The following ANK2 variants were observed in gnomAD, a reference collection of about 807,000 sequenced individuals.
ANK2 encodes the protein ankyrin 2.
ANK2 carries 83 observed loss-of-function variants against 360.5 expected under a neutral mutation model. The ratio of observed to expected loss-of-function variants is 0.23; its 90% CI spans 0.19 to 0.28. The LOEUF is 0.28. ANK2 is among the 10% of genes least tolerant of loss of function. The pLI, the probability that ANK2 is intolerant of heterozygous loss-of-function variation, is 1.00. For synonymous variants in ANK2, 1,740 were observed against 1,759.5 expected, an observed-to-expected ratio of 0.99 and a Z score of 0.28; for missense variants, 4,201 against 4,795.7, an observed-to-expected ratio of 0.88 and a Z score of 3.66.
At chr4:112,929,053 A>G (rs1389342752) in intron 2 of ANK2, among the ~76,000 whole-genome samples, 3 of 151,894 alleles carry the variant, frequency 2.0e-5, no homozygotes, top group East Asian at 1.9e-4. Context: ...GGGTTTCACC[A>G]TGTTTACCGG....
At position 113,383,043 on chromosome 4, in the gene ANK2, A is replaced by C. The variant is rs2097195614; in HGVS notation, c.*1572A>C. On this transcript the variant is annotated 3_prime_UTR_variant, in exon 46 of 46. Coordinates refer to ENST00000357077, the MANE Select transcript of ANK2 (RefSeq NM_001148.6). The stretch of plus-strand genomic sequence containing the variant: ...TATTCACAAATATATTCATATAAAC[A>C]GTATACATTTTGAATCAGTCATTTG... 6.6e-6 allele frequency: 1 copy of C among 152,666 alleles called. No individual in the cohort carries two copies. Among genetic ancestry groups the C allele is most frequent in the Non-Finnish European group, 1.5e-5 (1 of 68,040 alleles). 9.5% of individuals were successfully genotyped at this position (152,666 alleles called of 1,614,324 possible).
chr4:113,285,065 AGT>A (rs2063859519), intron 18 of ANK2, among the ~76,000 whole-genome samples: 1 of 152,206 alleles, frequency 6.6e-6, no homozygotes, highest in African/African-American at 2.4e-5. Context: ...TGGGTCCACC[AGT>A]GTGTCTTAGG....
chr4:112,713,140 A>G, the ANK2 span, among the ~76,000 whole-genome samples: 11 of 152,170 alleles, frequency 7.2e-5, no homozygotes, highest in African/African-American at 2.7e-4. Flanking sequence ...ATTTTTTTCA[A>G]TCAGCATAGT....
At chr4:113,327,068 T>C (rs925226446) in intron 26 of ANK2, among the ~76,000 whole-genome samples, 1 of 152,198 alleles carries the variant, frequency 6.6e-6, no homozygotes, top group Non-Finnish European at 1.5e-5. Context: ...TCCAATTTGC[T>C]TTGGATTTTT....
intron 2 of ANK2, among the ~76,000 whole-genome samples, chr4:112,941,591 A>G (rs1190195228): frequency 6.9e-6 from 1 of 144,810 alleles, no homozygotes; most frequent in African/African-American, 2.5e-5. Flanking sequence ...TAAAAAGGAT[A>G]TATAAAGATA....
chr4:113,022,885 C>CT (rs1486624598), intron 2 of ANK2, among the ~76,000 whole-genome samples: 1 of 152,078 alleles, frequency 6.6e-6, no homozygotes, highest in Non-Finnish European at 1.5e-5. Context: ...GGGGAGATGT[C>CT]TCTATTATTG....
At position 113,003,264 on chromosome 4, in the gene ANK2, A is replaced by G. The variant is rs142131280; in HGVS notation, c.21+98750A>G. ...TATAATTGCAAGGTCTCAAAAGAAG[A>G]TATGAATAAATAGATAGGCATGACA... On this transcript the variant is annotated intron_variant, in intron 2 of 30. Transcript: ENST00000503271. 1.0e-3 allele frequency among the ~76,000 whole-genome samples: 153 copies of G among 152,344 alleles called. 1 individual carries two copies. Among genetic ancestry groups the G allele is most frequent in the Middle Eastern group, 6.8e-3 (2 of 294 alleles).
chr4:113,132,658 C>T, intron 1 of ANK2, among the ~76,000 whole-genome samples: 1 of 152,090 alleles, frequency 6.6e-6, no homozygotes, highest in East Asian at 1.9e-4. Flanking sequence ...GTGAAGAGAA[C>T]TGATCTAGAG....
chr4:113,126,111 C>T (rs2095645463), intron 1 of ANK2, among the ~76,000 whole-genome samples: 1 of 152,200 alleles, frequency 6.6e-6, no homozygotes, highest in South Asian at 2.1e-4. Flanking sequence ...CTGAGAACCA[C>T]AGTTGATTTC....
intron 22 of ANK2, among the ~76,000 whole-genome samples, chr4:113,298,009 C>T (rs1172292213): frequency 3.3e-5 from 5 of 152,006 alleles, no homozygotes; most frequent in Admixed American, 6.6e-5. Context: ...TCGTCTCAAA[C>T]GATCCACCTG....
chr4:112,929,823 C>T (rs1018318300), intron 2 of ANK2, among the ~76,000 whole-genome samples: 3 of 152,208 alleles, frequency 2.0e-5, no homozygotes, highest in Non-Finnish European at 4.4e-5. Flanking sequence ...ACGCCCCTCT[C>T]TGCATGAGGA....
chr4:113,224,137 A>G (rs540348422), intron 4 of ANK2, among the ~76,000 whole-genome samples: 1 of 152,360 alleles, frequency 6.6e-6, no homozygotes, highest in South Asian at 2.1e-4. Context: ...TTCTGCCATC[A>G]TCAGTGCTTT....
intron 1 of ANK2, among the ~76,000 whole-genome samples, chr4:112,819,051 T>G (rs534132264): frequency 2.6e-5 from 4 of 152,318 alleles, no homozygotes; most frequent in Non-Finnish European, 5.9e-5. Flanking sequence ...ATTCCCACAC[T>G]CATGCATCAG....
chr4:113,161,039 C>T (rs2097516966), intron 1 of ANK2, among the ~76,000 whole-genome samples: 1 of 152,186 alleles, frequency 6.6e-6, no homozygotes, highest in Admixed American at 6.5e-5. Context: ...TGGCTTAAGT[C>T]TGACTTTTCT....
chr4:113,349,436 A>C (rs1391106120), intron 36 of ANK2, among the ~76,000 whole-genome samples: 4 of 152,154 alleles, frequency 2.6e-5, no homozygotes, highest in African/African-American at 9.7e-5. Context: ...ACCAGCTTAA[A>C]ATGTAAGCCC....
the ANK2 span, among the ~76,000 whole-genome samples, chr4:112,748,036 G>C: frequency 5.3e-3 from 809 of 152,216 alleles, 3 homozygotes; most frequent in African/African-American, 0.018. Context: ...TTGAGATGTA[G>C]TAAAAGCTGT....
At chr4:112,891,778 C>T (rs370046938) in intron 1 of ANK2, among the ~76,000 whole-genome samples, 8 of 152,250 alleles carry the variant, frequency 5.3e-5, no homozygotes, top group South Asian at 4.1e-4. Context: ...TCTATTATTA[C>T]GCATGGAGAA....
At chr4:112,769,080 G>A in the ANK2 span, among the ~76,000 whole-genome samples, 34 of 152,200 alleles carry the variant, frequency 2.2e-4, no homozygotes, top group African/African-American at 7.5e-4. Flanking sequence ...GCTTTCACAT[G>A]TTAGGGGACA....
intron 2 of ANK2, among the ~76,000 whole-genome samples, chr4:112,970,575 C>T (rs1401527793): frequency 6.6e-6 from 1 of 152,104 alleles, no homozygotes; most frequent in Non-Finnish European, 1.5e-5. Flanking sequence ...AGGCTTGTCT[C>T]GAGCTCCTGA....
Sources: allele counts gnomAD v4.1 joint callset (sites outside exome capture counted in the v4.1 genomes callset), GRCh38; gene constraint gnomAD v4.1.1; transcripts MANE v1.5; gene names NCBI Gene and HGNC (gene_info 2026-07-23, HGNC 2026-07-21).